The following PAK4 variants were observed in gnomAD, a reference collection of about 807,000 sequenced individuals.
The protein encoded by PAK4 is serine/threonine-protein kinase PAK 4.
PAK4 carries 49 observed loss-of-function variants against 53.5 expected under a neutral mutation model. The observed-to-expected ratio is 0.92, with a 90% confidence interval of 0.73 to 1.16. PAK4 has a LOEUF of 1.16. Ranked by LOEUF, PAK4 falls within the 50% of genes most tolerant of loss-of-function variation. PAK4 has a pLI of 0.00. For synonymous variants in PAK4, 376 were observed against 375.6 expected, an observed-to-expected ratio of 1.00 and a Z score of -0.01; for missense variants, 824 against 850.7, an observed-to-expected ratio of 0.97 and a Z score of 0.39.
intron 1 of PAK4, among the ~76,000 whole-genome samples, chr19:39,130,886 G>A (rs911389147): frequency 2.0e-5 from 3 of 150,966 alleles, no homozygotes; most frequent in Non-Finnish European, 4.4e-5. Flanking sequence ...GACGGATCGC[G>A]GGGGGTGGCG....
chr19:39,173,434 C>T lies in PAK4; in HGVS notation c.663+58C>T. On this transcript the variant is annotated intron_variant, in intron 3 of 8. Transcript: ENST00000358301. The surrounding 1 kb of genome is among the most constrained non-coding windows in gnomAD (Gnocchi z 6.9). ...TCCCCTGCCCGTTGCTCCTCTGTCC[C>T]CACCTTCCAGCCCCGCCCCACCACC... is the stretch of plus-strand genomic sequence containing the variant. The T allele has an allele frequency of 8.5e-6, 12 of 1,411,600 alleles. No homozygotes were observed. In the South Asian group the frequency reaches 1.7e-4, roughly 20 times the overall value. 87.4% of individuals were successfully genotyped at this position (1,411,600 alleles called of 1,614,324 possible).
At chr19:39,164,277 CAAAAAAAAAAA>C in intron 1 of PAK4, among the ~76,000 whole-genome samples, 1 of 77,742 alleles carries the variant, frequency 1.3e-5, no homozygotes, top group East Asian at 3.3e-4. Flanking sequence ...AACTCTGTCT[CAAAAAAAAAAA>C]AAAAAAAAAA....
In PAK4 at chr19:39,131,114, T is replaced by C. The variant is rs114581767; in HGVS notation, c.-23+5195T>C. Among the ~76,000 whole-genome samples the C allele has an allele frequency of 6.8e-3, 1,039 of 152,180 alleles. 12 individuals are homozygous for C. The highest frequency in any genetic ancestry group is 0.023 in the African/African-American group (969 of 41,512). ...AGGCCCAGAGAGGTACGGGACTTGC[T>C]TAAGGTCACACAGCAGGCAGTGGCA... On this transcript the variant is annotated intron_variant, in intron 1 of 8. Transcript: ENST00000358301.
At chr19:39,126,863 G>A (rs979043978) in intron 1 of PAK4, among the ~76,000 whole-genome samples, 2 of 152,182 alleles carry the variant, frequency 1.3e-5, no homozygotes, top group African/African-American at 2.4e-5. Flanking sequence ...TTTACAGACG[G>A]GAAAAATGAG....
At chr19:39,170,487 C>T (rs1348037858) in intron 2 of PAK4, among the ~76,000 whole-genome samples, 2 of 152,180 alleles carry the variant, frequency 1.3e-5, no homozygotes, top group Non-Finnish European at 2.9e-5. Flanking sequence ...GTTGTGGAGC[C>T]GGTGTCTGGG....
chr19:39,137,938 T>G (rs980634421), intron 1 of PAK4, among the ~76,000 whole-genome samples: 1 of 151,838 alleles, frequency 6.6e-6, no homozygotes, highest in African/African-American at 2.4e-5. Context: ...AGTGCTGGGA[T>G]TACAGGCGGG....
rs746317635 is a variant in PAK4 at position 39,173,251 on chromosome 19, C to A, written c.538C>A (p.Leu180Ile). ...GGAGTCCTCCCGGGACAAACGCCCC[C>A]TCTCCGGGCCTGATGTCGGCACCCC... is the stretch of plus-strand genomic sequence containing the variant. Residue 180 changes from leucine (L) to isoleucine (I), a missense_variant, in exon 3 of 9, where the codon CTC (leucine) becomes ATC (isoleucine). Leu to Ile is a conservative substitution (Grantham distance 5). Coordinates refer to ENST00000358301, the Ensembl canonical transcript of PAK4. This position sits in a 1 kb window ranked among gnomAD's most constrained non-coding sequence, Gnocchi z 6.9. The A allele has an allele frequency of 5.7e-6, 9 of 1,588,830 alleles. No individual in the cohort carries two copies. In the South Asian group the frequency reaches 8.0e-5, roughly 14 times the overall value.
In PAK4 at chr19:39,175,387, C is replaced by G. The variant is rs750336312; in HGVS notation, c.1308C>G (p.Val436=). The G allele has an allele frequency of 1.9e-6, 3 of 1,610,830 alleles. No homozygotes were observed. Among genetic ancestry groups the G allele is most frequent in the Non-Finnish European group, 2.5e-6 (3 of 1,178,988 alleles). Residue 436 remains valine, a synonymous_variant, in exon 6 of 9, where the codon GTC becomes GTG. Transcript: ENST00000358301. The surrounding 1 kb of genome is among the most constrained non-coding windows in gnomAD (Gnocchi z 4.7). ...TGTCGGTGCTCCACGCCCAGGGCGT[C>G]ATCCACCGGGACATCAAGAGCGACT...
At chr19:39,133,219 A>C in intron 1 of PAK4, among the ~76,000 whole-genome samples, 1 of 151,950 alleles carries the variant, frequency 6.6e-6, no homozygotes, top group Non-Finnish European at 1.5e-5. Context: ...AATGATATCT[A>C]CTCTTAGAGT....
intron 1 of PAK4, among the ~76,000 whole-genome samples, chr19:39,143,626 A>AAAAAAAAT (rs2073949518): frequency 1.5e-5 from 2 of 129,986 alleles, no homozygotes; most frequent in Non-Finnish European, 3.3e-5. Flanking sequence ...AAAAAAAAGA[A>AAAAAAAAT]TTGTTGAGTG....
chr19:39,176,092 A>G (rs2074598674), intron 6 of PAK4, among the ~76,000 whole-genome samples: 2 of 152,210 alleles, frequency 1.3e-5, no homozygotes. Flanking sequence ...TGGAGGCAGG[A>G]AGACCCATAG....
chr19:39,174,050 AC>A (rs2074550129), intron 4 of PAK4, 40 bp downstream of exon 5: 2 of 1,080,820 alleles, frequency 1.9e-6, no homozygotes, highest in South Asian at 1.5e-5. Context: ...TGGTCCTCCC[AC>A]CCCTCCCTCC....
intron 1 of PAK4, among the ~76,000 whole-genome samples, chr19:39,160,686 C>T (rs926771300): frequency 2.0e-5 from 3 of 152,136 alleles, no homozygotes; most frequent in Non-Finnish European, 2.9e-5. Context: ...ATGAGGTTTG[C>T]GAGGTTGGCA....
At chr19:39,130,690 A>G (rs1232249120) in intron 1 of PAK4, among the ~76,000 whole-genome samples, 5 of 151,952 alleles carry the variant, frequency 3.3e-5, no homozygotes, top group Admixed American at 6.6e-5. Context: ...AAAAGCAAAA[A>G]AAAGAAGCCA....
At chr19:39,150,101 C>T (rs1331580834) in intron 1 of PAK4, among the ~76,000 whole-genome samples, 1 of 151,950 alleles carries the variant, frequency 6.6e-6, no homozygotes. Flanking sequence ...TATATTTTAC[C>T]ATAATAAAAA....
At chr19:39,169,846 C>A in intron 2 of PAK4, 89 bp downstream of exon 3, 1 of 880,348 alleles carries the variant, frequency 1.1e-6, no homozygotes, top group Non-Finnish European at 1.7e-6. Flanking sequence ...CTGTGACCGA[C>A]ACCTCCTCAC....
At position 39,141,320 on chromosome 19, in the gene PAK4, CT is replaced by C. The variant is rs36112621; in HGVS notation, c.-23+15414del. 5.8e-3 allele frequency among the ~76,000 whole-genome samples: 843 copies of C among 145,602 alleles called. 7 individuals carry two copies. The highest frequency in any genetic ancestry group is 0.016 in the African/African-American group (630 of 39,760). The stretch of plus-strand genomic sequence containing the variant: ...ATGCTTCCCCAGTTGTCTTATAATC[CT>C]TTTTTTTTTTTTGAGACAGAGTCTC... On this transcript the variant is annotated intron_variant, in intron 1 of 8. Coordinates refer to ENST00000358301, the Ensembl canonical transcript of PAK4.
chr19:39,135,494 C>A (rs1001551794), intron 1 of PAK4, among the ~76,000 whole-genome samples: 2 of 151,838 alleles, frequency 1.3e-5, no homozygotes, highest in African/African-American at 4.9e-5. Flanking sequence ...TGCCACCACG[C>A]ACGGCTAATT....
intron 1 of PAK4, among the ~76,000 whole-genome samples, chr19:39,146,147 C>T (rs2073995418): frequency 6.6e-6 from 1 of 152,218 alleles, no homozygotes; most frequent in Admixed American, 6.5e-5. Context: ...CTTTTTGCCT[C>T]CTCTGAGTCC....
Sources: allele counts gnomAD v4.1 joint callset (sites outside exome capture counted in the v4.1 genomes callset), GRCh38; gene constraint gnomAD v4.1.1; non-coding constraint Gnocchi (gnomAD v3.1); transcripts MANE v1.5; gene names NCBI Gene and HGNC (gene_info 2026-07-23, HGNC 2026-07-21).